Variants in ICA1 observed in about 807,000 individuals in gnomAD.
The protein encoded by ICA1 is islet cell autoantigen 1, also known as 69 kDa islet cell autoantigen.
Under a neutral mutation model 71.0 loss-of-function variants are expected in ICA1, and 40 were observed. The observed-to-expected ratio is 0.56, with a 90% CI of 0.44 to 0.73. The LOEUF (loss-of-function observed/expected upper bound fraction) is 0.73. Ranked by LOEUF, ICA1 falls within the 30% of genes least tolerant of loss-of-function variation. The pLI is 0.00. For synonymous variants in ICA1, 207 were observed against 209.5 expected (o/e 0.99, Z 0.10); for missense variants, 578 against 576.5 (o/e 1.00, Z -0.03).
intron 6 of ICA1, among the ~76,000 whole-genome samples, chr7:8,185,187 G>C (rs1783529662): frequency 6.6e-6 from 1 of 152,026 alleles, no homozygotes; most frequent in Admixed American, 6.5e-5. Flanking sequence ...ACAATATTAT[G>C]AAACAGTAAA....
chr7:8,193,239 A>G (rs578016629), intron 6 of ICA1, among the ~76,000 whole-genome samples: 1 of 152,258 alleles, frequency 6.6e-6, no homozygotes, highest in East Asian at 1.9e-4. Context: ...TAGTTTACAT[A>G]TATCTAAACA....
chr7:8,140,100 T>C (rs1794706215), intron 10 of ICA1, among the ~76,000 whole-genome samples: 1 of 152,212 alleles, frequency 6.6e-6, no homozygotes, highest in Non-Finnish European at 1.5e-5. Context: ...AATATATAAT[T>C]TATATAGATT....
At chr7:8,175,619 C>T (rs1780363866) in intron 6 of ICA1, among the ~76,000 whole-genome samples, 1 of 152,138 alleles carries the variant, frequency 6.6e-6, no homozygotes, top group Non-Finnish European at 1.5e-5. Context: ...TTCAGATACT[C>T]ATTTTCAGAT....
intron 8 of ICA1, among the ~76,000 whole-genome samples, chr7:8,147,867 C>T (rs573062002): frequency 1.9e-4 from 29 of 152,202 alleles, no homozygotes; most frequent in African/African-American, 7.0e-4. Context: ...TTTCCTGGCT[C>T]GGGGCCACTG....
chr7:8,137,309 G>T (rs1280242610), intron 12 of ICA1, among the ~76,000 whole-genome samples: 1 of 152,114 alleles, frequency 6.6e-6, no homozygotes, highest in Non-Finnish European at 1.5e-5. Context: ...AAAGCAAAGA[G>T]CAAATTATAT....
At chr7:8,152,897 C>A (rs201691310) in intron 8 of ICA1, among the ~76,000 whole-genome samples, 1,169 of 97,060 alleles carry the variant, frequency 0.012, 43 homozygotes, top group East Asian at 0.024. Context: ...CCACTACCAC[C>A]ATTATCTCCT....
At position 8,130,954 on chromosome 7, in the gene ICA1, A is replaced by T. The variant is rs965066975; in HGVS notation, c.1061-2812T>A. 8.5e-5 allele frequency among the ~76,000 whole-genome samples: 13 copies of T among 152,066 alleles called. No homozygotes were observed. Among genetic ancestry groups the T allele is most frequent in the African/African-American group, 3.1e-4 (13 of 41,392 alleles). ...ATGCCTTCTCCATGTGATCCTGGTG[A>T]GATGCCTCTGGAAATGACTCCTTAC... On this transcript the variant is annotated intron_variant, in intron 12 of 13. Coordinates refer to ENST00000402384, the MANE Select transcript of ICA1 (RefSeq NM_001136020.3). The surrounding 1 kb of genome is among the most constrained non-coding windows in gnomAD (Gnocchi z 4.2).
chr7:8,260,347 G>C (rs531118450), intron 1 of ICA1, among the ~76,000 whole-genome samples: 9 of 152,270 alleles, frequency 5.9e-5, no homozygotes, highest in African/African-American at 2.2e-4. Flanking sequence ...GATGCGTAGA[G>C]AAAGCAGTCA....
rs1801068140 is a variant in ICA1, at chr7:8,234,010, G to A, written c.18-1255C>T. ...GGCCCAGGCAGGAGGACTGCTTGAG[G>A]CCAGGAGTTTCAGATCAGCCTGGGC... On this transcript the variant is annotated intron_variant, in intron 2 of 13. Coordinates refer to ENST00000402384, the MANE Select transcript of ICA1 (RefSeq NM_001136020.3). This position sits in a 1 kb window ranked among gnomAD's most constrained non-coding sequence, Gnocchi z 4.5. 6.6e-6 allele frequency among the ~76,000 whole-genome samples: 1 copy of A among 152,090 alleles called. No homozygotes were observed. Among genetic ancestry groups the A allele is most frequent in the Non-Finnish European group, 1.5e-5 (1 of 68,016 alleles).
rs1801249819 is a variant in ICA1, at chr7:8,234,511, CT to C, written c.17+1398del. Among the ~76,000 whole-genome samples, 1 of 62,456 alleles carries C rather than the reference CT, an allele frequency of 1.6e-5. No homozygotes were observed. Among genetic ancestry groups the C allele is most frequent in the South Asian group, 3.8e-4 (1 of 2,636 alleles). The allele number at this position is 62,456 out of a possible 152,430, so 41.0% of individuals were successfully genotyped here. ...CTGAAACGTGAGTTTGTTTATATGA[CT>C]ATATCAAAATACCAGTATCTCAAAA... On this transcript the variant is annotated intron_variant, in intron 2 of 13. Transcript: ENST00000402384. This position sits in a 1 kb window ranked among gnomAD's most constrained non-coding sequence, Gnocchi z 4.5.
intron 4 of ICA1, 67 bp downstream of exon 4, chr7:8,228,532 ATG>A: frequency 2.2e-6 from 2 of 893,470 alleles, no homozygotes; most frequent in Non-Finnish European, 3.4e-6. Flanking sequence ...ATATGAAATG[ATG>A]TATCAAGACA....
chr7:8,207,181 T>A (rs946965917), intron 6 of ICA1, among the ~76,000 whole-genome samples: 2 of 152,166 alleles, frequency 1.3e-5, no homozygotes, highest in African/African-American at 4.8e-5. Flanking sequence ...GGAGAGAGAA[T>A]TTTAAAAGAT....
intron 6 of ICA1, among the ~76,000 whole-genome samples, chr7:8,215,808 G>A (rs774938560): frequency 9.2e-5 from 14 of 152,130 alleles, no homozygotes; most frequent in South Asian, 4.1e-4. Flanking sequence ...AGCCGGCCCC[G>A]AGGAGACTGA....
chr7:8,120,753 CG>C (rs1554271865), intron 13 of ICA1, among the ~76,000 whole-genome samples: 1 of 152,218 alleles, frequency 6.6e-6, no homozygotes, highest in African/African-American at 2.4e-5. Context: ...AACTGCCCCC[CG>C]TTACTTACAT....
chr7:8,232,425 G>A (rs997124285), intron 3 of ICA1, among the ~76,000 whole-genome samples, 165 bp downstream of exon 3: 1 of 152,172 alleles, frequency 6.6e-6, no homozygotes, highest in African/African-American at 2.4e-5. Flanking sequence ...GGTTATGTGA[G>A]AATTTGCAGG....
intron 3 of ICA1, among the ~76,000 whole-genome samples, chr7:8,230,242 T>C (rs1156726727): frequency 3.3e-5 from 5 of 152,208 alleles, no homozygotes; most frequent in Non-Finnish European, 1.5e-5. Context: ...CGTGGACAAA[T>C]ATTAAAACTC....
chr7:8,218,420 G>T lies in ICA1; in HGVS notation c.464C>A (p.Thr155Lys). 1 of 1,614,044 alleles carries T rather than the reference G, an allele frequency of 6.2e-7. No homozygotes were observed. The highest frequency in any genetic ancestry group is 8.5e-7 in the Non-Finnish European group (1 of 1,179,972). ...CCTGCACTGTTCCATGCGGTTCACC[G>T]TCAGCCAAGTATCTGAGATGGCCCG... ...RHRAISDTWL[T>K]VNRMEQCRTE... Residue 155 changes from threonine (T) to lysine (K), a missense_variant, in exon 6 of 14, where the codon ACG (threonine) becomes AAG (lysine). Thr to Lys is a moderately conservative substitution (Grantham distance 78). Transcript: ENST00000402384.
intron 6 of ICA1, among the ~76,000 whole-genome samples, chr7:8,177,014 G>A (rs1780828849): frequency 6.6e-6 from 1 of 152,158 alleles, no homozygotes; most frequent in Admixed American, 6.5e-5. Context: ...ACCCAAAATG[G>A]AGTGTCAGCA....
At chr7:8,134,448 G>A (rs2058522) in intron 12 of ICA1, among the ~76,000 whole-genome samples, 133,314 of 152,184 alleles carry the variant, frequency 0.88, 58,512 homozygotes, top group East Asian at 0.95. Flanking sequence ...TACATAGACC[G>A]AAAACGAGAG....
Sources: gnomAD v4.1 joint callset for allele counts (sites outside exome capture counted in the v4.1 genomes callset) on GRCh38, gnomAD v4.1.1 for gene constraint, Gnocchi (gnomAD v3.1) non-coding constraint, MANE v1.5 for transcripts, NCBI Gene and HGNC (gene_info 2026-07-23, HGNC 2026-07-21) for gene names.